The following EYS variants were observed in gnomAD, a reference collection of about 807,000 sequenced individuals.
The protein encoded by EYS is EGF-like photoreceptor maintenance factor, also known as protein eyes shut homolog.
In EYS, 250 loss-of-function variants were observed where a neutral mutation model predicts 282.1. The observed-to-expected ratio is 0.89, with a 90% confidence interval of 0.80 to 0.98. EYS has a LOEUF of 0.98. EYS is among the 50% of genes least tolerant of loss of function. The pLI, the probability that EYS is intolerant of heterozygous loss-of-function variation, is 0.00. For missense variants in EYS, 4,016 were observed against 3,709.0 expected, an observed-to-expected ratio of 1.08 and a Z score of -2.15; for synonymous variants, 1,355 against 1,282.9, an observed-to-expected ratio of 1.06 and a Z score of -1.20.
chr6:63,880,562 G>C (rs149206766), intron 35 of EYS, among the ~76,000 whole-genome samples: 2 of 148,838 alleles, frequency 1.3e-5, no homozygotes, highest in East Asian at 3.9e-4. Flanking sequence ...GACTAATTCA[G>C]GCTTGGACCA....
chr6:64,046,852 G>C lies in EYS; in HGVS notation c.6725+19486C>G, dbSNP rs560967024. ...AGGAATGAGGTATAGTCTGTCAGTA[G>C]GTCTGTGGCTCTATACATTTTCCAT... On this transcript the variant is annotated intron_variant, in intron 33 of 42. Coordinates refer to ENST00000503581, the MANE Select transcript of EYS (RefSeq NM_001142800.2). Among the ~76,000 whole-genome samples, 6 of 152,290 alleles carry C rather than the reference G, an allele frequency of 3.9e-5. No homozygotes were observed. In the South Asian group the frequency reaches 1.2e-3, roughly 32 times the overall value.
chr6:63,963,977 T>C (rs990470355), intron 35 of EYS, among the ~76,000 whole-genome samples: 11 of 152,204 alleles, frequency 7.2e-5, no homozygotes, highest in African/African-American at 1.9e-4. Context: ...AAGTTATTAA[T>C]GTTTTTGTTA....
intron 29 of EYS, among the ~76,000 whole-genome samples, chr6:64,336,584 A>C (rs1770858222): frequency 6.6e-6 from 1 of 152,172 alleles, no homozygotes; most frequent in African/African-American, 2.4e-5. Flanking sequence ...GAAAGTCAAC[A>C]AAGAAACAAT....
At chr6:65,216,478 C>T (rs1293473116) in intron 12 of EYS, among the ~76,000 whole-genome samples, 3 of 151,442 alleles carry the variant, frequency 2.0e-5, no homozygotes, top group Non-Finnish European at 4.4e-5. Context: ...TTTAATTTAC[C>T]AAAAATATAA....
intron 31 of EYS, among the ~76,000 whole-genome samples, chr6:64,154,168 C>T (rs1052719568): frequency 1.3e-5 from 2 of 152,084 alleles, no homozygotes; most frequent in South Asian, 2.1e-4. Flanking sequence ...AGGCTGGGAG[C>T]GGTGGCTCAC....
chr6:65,027,219 T>G (rs940200947), intron 13 of EYS, among the ~76,000 whole-genome samples: 1 of 151,666 alleles, frequency 6.6e-6, no homozygotes, highest in East Asian at 1.9e-4. Flanking sequence ...TCAAAACTCT[T>G]GTTTCTAAAG....
At chr6:64,321,458 G>A (rs1364301409) in intron 29 of EYS, among the ~76,000 whole-genome samples, 1 of 151,670 alleles carries the variant, frequency 6.6e-6, no homozygotes, top group African/African-American at 2.4e-5. Flanking sequence ...TACTTTTTTA[G>A]CCACAAGCTA....
chr6:65,410,676 C>T (rs1415331616), intron 5 of EYS, among the ~76,000 whole-genome samples: 1 of 150,190 alleles, frequency 6.7e-6, no homozygotes, highest in Non-Finnish European at 1.5e-5. Context: ...TGTGTCTGGC[C>T]TATTTCAATT....
intron 41 of EYS, among the ~76,000 whole-genome samples, chr6:63,731,217 T>C (rs140260770): frequency 1.3e-5 from 2 of 152,264 alleles, no homozygotes; most frequent in African/African-American, 4.8e-5. Context: ...TCAAGCACAC[T>C]TGAGATTATT....
At chr6:65,564,075 G>A (rs1349120281) in intron 2 of EYS, among the ~76,000 whole-genome samples, 1 of 152,186 alleles carries the variant, frequency 6.6e-6, no homozygotes, top group South Asian at 2.1e-4. Flanking sequence ...GGGATGTGAA[G>A]GACCGCTTCA....
Position 63,721,641 on chromosome 6 carries a change from A to G in EYS, c.8390T>C (p.Leu2797Pro). ...KAGRVGAEGY[L>P]DLDGINVTEK... The stretch of plus-strand genomic sequence containing the variant: ...TGTTACATTTATCCCATCTAGATCC[A>G]GGTAGCCTTCTGCACCAACTCTTCC... Residue 2797 changes from leucine to proline, a missense_variant, in exon 43 of 43, where the codon CTG becomes CCG. Leu to Pro is a moderately conservative substitution (Grantham distance 98, BLOSUM62 -3). Coordinates refer to ENST00000503581, the MANE Select transcript of EYS (RefSeq NM_001142800.2). 1 of 1,551,406 alleles carries G rather than the reference A, an allele frequency of 6.4e-7. No individual in the cohort carries two copies. Among genetic ancestry groups the G allele is most frequent in the Non-Finnish European group, 8.7e-7 (1 of 1,146,694 alleles).
intron 22 of EYS, among the ~76,000 whole-genome samples, chr6:64,675,218 T>C (rs777620083): frequency 2.0e-5 from 3 of 152,124 alleles, no homozygotes; most frequent in Non-Finnish European, 2.9e-5. Context: ...CTTAGGCTTT[T>C]GCTCCCCACC....
At chr6:65,352,780 T>C (rs900178612) in intron 9 of EYS, among the ~76,000 whole-genome samples, 10 of 152,106 alleles carry the variant, frequency 6.6e-5, no homozygotes, top group African/African-American at 2.4e-4. Context: ...TAATTTTCTA[T>C]TCCTTTTAGA....
At chr6:65,292,955 C>CT (rs1440475530) in intron 12 of EYS, among the ~76,000 whole-genome samples, 6 of 151,516 alleles carry the variant, frequency 4.0e-5, no homozygotes, top group Non-Finnish European at 5.9e-5. Flanking sequence ...AAGGAGTTTG[C>CT]TTTAGGATAG....
At chr6:63,873,836 G>T (rs550760054) in intron 35 of EYS, among the ~76,000 whole-genome samples, 1 of 151,960 alleles carries the variant, frequency 6.6e-6, no homozygotes, top group Admixed American at 6.5e-5. Flanking sequence ...CTTTTTGATG[G>T]GTTTTTTTTA....
At chr6:64,643,721 A>C (rs1768253221) in intron 22 of EYS, among the ~76,000 whole-genome samples, 1 of 152,198 alleles carries the variant, frequency 6.6e-6, no homozygotes. Context: ...ATAGTGAATA[A>C]GTCTCATTAG....
intron 24 of EYS, among the ~76,000 whole-genome samples, chr6:64,598,288 G>A (rs1766651669): frequency 6.6e-6 from 1 of 152,150 alleles, no homozygotes; most frequent in Non-Finnish European, 1.5e-5. Context: ...GTGAAACCCC[G>A]TCCCTACTAA....
chr6:64,165,854 A>G (rs561588878), intron 31 of EYS, among the ~76,000 whole-genome samples: 3 of 152,182 alleles, frequency 2.0e-5, no homozygotes, highest in Non-Finnish European at 4.4e-5. Flanking sequence ...TAGAAGAATA[A>G]AAGCAATGTT....
chr6:63,975,144 C>T (rs1434808499), intron 35 of EYS, among the ~76,000 whole-genome samples: 1 of 151,336 alleles, frequency 6.6e-6, no homozygotes, highest in Non-Finnish European at 1.5e-5. Flanking sequence ...AATTGTGAAA[C>T]CTAGGCTGTT....
Sources: allele counts gnomAD v4.1 joint callset (sites outside exome capture counted in the v4.1 genomes callset), GRCh38; gene constraint gnomAD v4.1.1; transcripts MANE v1.5; gene names NCBI Gene and HGNC (gene_info 2026-07-23, HGNC 2026-07-21).